CDH18: variants seen among roughly 807,000 people sequenced by gnomAD.
The protein encoded by CDH18 is cadherin 18.
CDH18 carries 31 observed loss-of-function variants against 67.9 expected under a neutral mutation model. That is an observed-to-expected ratio of 0.46 (90% CI 0.34 to 0.62). The LOEUF is 0.62. Among genes scored for constraint, CDH18 ranks in the 20% least tolerant of loss-of-function variants. The pLI is 0.01. For missense variants in CDH18, 890 were observed against 975.5 expected, an observed-to-expected ratio of 0.91 and a Z score of 1.17; for synonymous variants, 362 against 347.2, an observed-to-expected ratio of 1.04 and a Z score of -0.48.
chr5:19,776,543 AATGATAGTACT>A (rs1206004462), intron 3 of CDH18, among the ~76,000 whole-genome samples: 1 of 152,206 alleles, frequency 6.6e-6, no homozygotes. Context: ...TACAGGGAGC[AATGATAGTACT>A]ATGATCAAAT....
At position 20,118,584 on chromosome 5, in the gene CDH18, G is replaced by T. The variant is rs62352587; in HGVS notation, c.-517-126570C>A. Among the ~76,000 whole-genome samples the T allele has an allele frequency of 6.6e-3, 1,002 of 152,178 alleles. 4 individuals carry two copies. Among genetic ancestry groups the T allele is most frequent in the South Asian group, 0.013 (64 of 4,824 alleles). On this transcript the variant is annotated intron_variant, in intron 2 of 14. Transcript: ENST00000507958. Reference sequence around the variant, plus strand: ...TTCAAGGCTTCTTTGTATCTCTCCAGACTTACCATCTACAGTTTGTAAGTA... The same window carrying T: ...TTCAAGGCTTCTTTGTATCTCTCCATACTTACCATCTACAGTTTGTAAGTA...
chr5:19,880,403 A>C (rs1300514304), intron 2 of CDH18, among the ~76,000 whole-genome samples: 1 of 152,090 alleles, frequency 6.6e-6, no homozygotes, highest in Non-Finnish European at 1.5e-5. Context: ...ATTTTTAGAA[A>C]CCCTAAAATG....
At chr5:20,122,568 AAATT>A (rs1385064959) in intron 2 of CDH18, among the ~76,000 whole-genome samples, 2 of 152,046 alleles carry the variant, frequency 1.3e-5, no homozygotes, top group Non-Finnish European at 2.9e-5. Context: ...GATTAATATT[AAATT>A]AATATTTGCT....
At chr5:20,035,823 C>A (rs904666526) in intron 2 of CDH18, among the ~76,000 whole-genome samples, 1 of 151,998 alleles carries the variant, frequency 6.6e-6, no homozygotes, top group African/African-American at 2.4e-5. Flanking sequence ...GCACAAAACT[C>A]AAGTCTGTGT....
chr5:20,087,074 A>T (rs1168035081), intron 2 of CDH18, among the ~76,000 whole-genome samples: 1 of 152,186 alleles, frequency 6.6e-6, no homozygotes, highest in Non-Finnish European at 1.5e-5. Context: ...CAAAATATTA[A>T]CATTAATAGT....
chr5:19,501,113 A>G (rs1743158922), intron 11 of CDH18, among the ~76,000 whole-genome samples: 1 of 151,124 alleles, frequency 6.6e-6, no homozygotes, highest in Admixed American at 6.6e-5. Context: ...AGCCTGGGCA[A>G]CAAGAGGGAA....
intron 3 of CDH18, among the ~76,000 whole-genome samples, chr5:19,768,557 C>T (rs1437825289): frequency 2.0e-5 from 3 of 152,046 alleles, no homozygotes; most frequent in African/African-American, 7.2e-5. Flanking sequence ...TATACCTCAA[C>T]ATATACAACG....
chr5:19,706,484 T>C (rs1366683430), intron 5 of CDH18, among the ~76,000 whole-genome samples: 2 of 152,216 alleles, frequency 1.3e-5, no homozygotes, highest in African/African-American at 4.8e-5. Context: ...GAGTTAATCC[T>C]TGAGGATTGG....
At chr5:20,191,315 C>A (rs1204279379) in intron 2 of CDH18, among the ~76,000 whole-genome samples, 1 of 151,934 alleles carries the variant, frequency 6.6e-6, no homozygotes, top group African/African-American at 2.4e-5. Context: ...AGTAATCCTG[C>A]TTCTCCTTCA....
intron 1 of CDH18, among the ~76,000 whole-genome samples, chr5:20,385,845 A>C (rs1047107442): frequency 6.6e-6 from 1 of 152,194 alleles, no homozygotes; most frequent in Non-Finnish European, 1.5e-5. Context: ...TCCCATAAAC[A>C]ATCAATTTTC....
intron 2 of CDH18, among the ~76,000 whole-genome samples, chr5:19,946,681 A>T: frequency 6.6e-6 from 1 of 152,280 alleles, no homozygotes; most frequent in South Asian, 2.1e-4. Context: ...AAGTTAACAC[A>T]AATTGTATGC....
chr5:19,484,619 C>T (rs1376419474), intron 11 of CDH18, among the ~76,000 whole-genome samples: 1 of 152,294 alleles, frequency 6.6e-6, no homozygotes, highest in Non-Finnish European at 1.5e-5. Flanking sequence ...ATATAACTAA[C>T]GACTCACTGC....
chr5:20,174,809 A>G (rs1737105166), intron 2 of CDH18, among the ~76,000 whole-genome samples: 1 of 152,186 alleles, frequency 6.6e-6, no homozygotes, highest in Non-Finnish European at 1.5e-5. Context: ...ATAGTATATG[A>G]TAACGATCTC....
chr5:19,900,256 G>C (rs1789801749), intron 2 of CDH18, among the ~76,000 whole-genome samples: 1 of 151,950 alleles, frequency 6.6e-6, no homozygotes, highest in Non-Finnish European at 1.5e-5. Flanking sequence ...AAGGAGAGAG[G>C]GAGGGAAGTG....
intron 4 of CDH18, 59 bp downstream of exon 4, chr5:19,746,882 GA>G: frequency 7.1e-7 from 1 of 1,402,724 alleles, no homozygotes; most frequent in Non-Finnish European, 9.9e-7. Context: ...GTATTCTAAA[GA>G]TGACTTTTTG....
chr5:19,484,752 C>G (rs993277998), intron 11 of CDH18, among the ~76,000 whole-genome samples: 7 of 152,206 alleles, frequency 4.6e-5, no homozygotes, highest in Non-Finnish European at 1.0e-4. Flanking sequence ...TGAATGTCAG[C>G]TCCATCTGTC....
chr5:20,564,269 T>TTTATTTATTTAA (rs1190124866), intron 1 of CDH18, among the ~76,000 whole-genome samples: 1 of 148,840 alleles, frequency 6.7e-6, no homozygotes, highest in Non-Finnish European at 1.5e-5. Context: ...GTTTTATTTA[T>TTTATTTATTTAA]TTATTTATTT....
intron 2 of CDH18, among the ~76,000 whole-genome samples, chr5:20,201,899 C>A (rs572622767): frequency 6.6e-6 from 1 of 152,272 alleles, no homozygotes; most frequent in African/African-American, 2.4e-5. Context: ...AAGCAGTCAT[C>A]AGGAAAACAT....
rs35247774 is a variant in CDH18, at chr5:20,538,909, G to GTTTTT, written c.-580+36548_-580+36552dup. Among the ~76,000 whole-genome samples, 674 of 118,704 alleles carry GTTTTT rather than the reference G, an allele frequency of 5.7e-3. 34 individuals carry two copies. Among genetic ancestry groups the GTTTTT allele is most frequent in the African/African-American group, 0.022 (653 of 29,890 alleles). The allele number at this position is 118,704 out of a possible 152,430, so 77.9% of individuals were successfully genotyped here. A position where few individuals can be genotyped will look rare whatever the true frequency, so the allele number is the denominator to read the frequency against. On this transcript the variant is annotated intron_variant, in intron 1 of 14. Coordinates refer to the CDH18 transcript ENST00000507958. ...CCACATAGCCAACTGTTTTTTTTTTGTTTTTTTTTTTTTTTGTCGCCCAGG... is the reference window on the plus strand; with the variant it reads ...CCACATAGCCAACTGTTTTTTTTTTGTTTTTTTTTTTTTTTTTTTTGTCGCCCAGG...
Sources: gnomAD v4.1 joint callset for allele counts (sites outside exome capture counted in the v4.1 genomes callset) on GRCh38, gnomAD v4.1.1 for gene constraint, MANE v1.5 for transcripts, NCBI Gene and HGNC (gene_info 2026-07-23, HGNC 2026-07-21) for gene names.